UCHL5: variants seen among roughly 807,000 people sequenced by gnomAD.
The protein encoded by UCHL5 is ubiquitin carboxyl-terminal hydrolase isozyme L5.
A neutral mutation model predicts 53.8 loss-of-function variants in UCHL5; 34 were observed. That is an observed-to-expected ratio of 0.63 (90% CI 0.48 to 0.84). The LOEUF (loss-of-function observed/expected upper bound fraction) is 0.84. Among genes scored for constraint, UCHL5 ranks in the 40% least tolerant of loss-of-function variants. The pLI, the probability that UCHL5 is intolerant of heterozygous loss-of-function variation, is 0.00. For synonymous variants in UCHL5, 111 were observed against 126.3 expected, an observed-to-expected ratio of 0.88 and a Z score of 0.81; for missense variants, 290 against 385.6, an observed-to-expected ratio of 0.75 and a Z score of 2.08.
At chr1:193,022,314 C>T (rs1482387603) in intron 9 of UCHL5, among the ~76,000 whole-genome samples, 1 of 152,016 alleles carries the variant, frequency 6.6e-6, no homozygotes, top group African/African-American at 2.4e-5. Flanking sequence ...TGGGGAGCAA[C>T]AAAAAGGACA....
At chr1:193,023,763 T>TTA (rs887154846) in intron 8 of UCHL5, 81 bp downstream of exon 8, 16 of 1,070,512 alleles carry the variant, frequency 1.5e-5, no homozygotes, top group East Asian at 5.3e-5. Flanking sequence ...GACCACTTGA[T>TTA]TATATATATA....
chr1:193,059,713 C>G (rs746248721), upstream of UCHL5: 2 of 1,353,302 alleles, frequency 1.5e-6, no homozygotes, highest in South Asian at 1.2e-5. The surrounding 1 kb of genome is among the most constrained non-coding windows in gnomAD (Gnocchi z 4.9). Flanking sequence ...TTGTCGTTTC[C>G]CAGCGCTGCG....
At chr1:193,030,371 G>A (rs1352795712) in intron 3 of UCHL5, among the ~76,000 whole-genome samples, 2 of 152,126 alleles carry the variant, frequency 1.3e-5, no homozygotes, top group African/African-American at 4.8e-5. Context: ...TAAATTTGTA[G>A]AAGCTGAGGC....
In UCHL5 at chr1:193,016,328, T is replaced by A; in HGVS notation, c.*23A>T. On this transcript the variant is annotated 3_prime_UTR_variant, in exon 11 of 11. Transcript: ENST00000367454. Reference sequence around the variant, plus strand: ...ATGAAAATATGTGCAGAAGCAGAAATGTGTACATATCTGAAAACATCTTCA... The same window carrying A: ...ATGAAAATATGTGCAGAAGCAGAAAAGTGTACATATCTGAAAACATCTTCA... The A allele has an allele frequency of 6.3e-7, 1 of 1,598,518 alleles. No homozygotes were observed.
At chr1:193,059,447 C>T (rs1672103174), upstream of UCHL5, 1 of 1,609,984 alleles carries the variant, frequency 6.2e-7, no homozygotes, top group South Asian at 1.1e-5. This position sits in a 1 kb window ranked among gnomAD's most constrained non-coding sequence, Gnocchi z 4.9. Context: ...GACGCTCTAG[C>T]CACCCTAGAG....
At chr1:193,059,549 G>A (rs771274393), upstream of UCHL5, 8 of 1,540,594 alleles carry the variant, frequency 5.2e-6, no homozygotes, top group Non-Finnish European at 7.0e-6. The surrounding 1 kb of genome is among the most constrained non-coding windows in gnomAD (Gnocchi z 4.9). Context: ...ACAGCGCCGA[G>A]GAGGCAACAT....
chr1:193,050,493 G>A (rs1668659400), intron 2 of UCHL5, among the ~76,000 whole-genome samples: 1 of 152,110 alleles, frequency 6.6e-6, no homozygotes, highest in Admixed American at 6.5e-5. Context: ...AGCACTTTGG[G>A]AGGCTAAGGT....
Position 193,015,911 on chromosome 1 carries a change from C to T in UCHL5, c.*440G>A, listed in dbSNP as rs1654826196. On this transcript the variant is annotated 3_prime_UTR_variant, in exon 11 of 11. Transcript: ENST00000367454. ...GCAGATAAAATTCAGTTTTAAAATC[C>T]TCAAAACACTTAGATATCAAAGATA... The T allele has an allele frequency of 6.4e-6, 1 of 155,292 alleles. No individual in the cohort carries two copies. Among genetic ancestry groups the T allele is most frequent in the East Asian group, 1.9e-4 (1 of 5,284 alleles). The allele number at this position is 155,292 out of a possible 1,614,324, so 9.6% of individuals were successfully genotyped here.
Position 193,049,268 on chromosome 1 carries a change from G to T in UCHL5, c.246+478C>A, listed in dbSNP as rs116288918. ...CATCTCTACTAAAAATACAAAAATA[G>T]CCTGGTGTGGTGGTATGTGCCTGTA... On this transcript the variant is annotated intron_variant, in intron 3 of 10. Transcript: ENST00000367454. Among the ~76,000 whole-genome samples the T allele has an allele frequency of 2.0e-3, 310 of 152,202 alleles. 2 individuals carry two copies. Among genetic ancestry groups the T allele is most frequent in the African/African-American group, 7.2e-3 (301 of 41,526 alleles).
At chr1:193,020,807 T>G (rs1323313961) in intron 10 of UCHL5, among the ~76,000 whole-genome samples, 1 of 151,924 alleles carries the variant, frequency 6.6e-6, no homozygotes, top group East Asian at 1.9e-4. Context: ...GCATTAAAAA[T>G]CTACTTTTGC....
intron 3 of UCHL5, among the ~76,000 whole-genome samples, chr1:193,039,874 G>A (rs137878989): frequency 0.012 from 1,781 of 152,114 alleles, 18 homozygotes; most frequent in South Asian, 0.034. Context: ...TTCAACAAAG[G>A]TGCCAAGAAT....
intron 3 of UCHL5, among the ~76,000 whole-genome samples, chr1:193,040,077 C>G (rs1253118132): frequency 6.6e-6 from 1 of 152,138 alleles, no homozygotes; most frequent in Non-Finnish European, 1.5e-5. Context: ...CTCCAGAACA[C>G]TGGTCGGGGC....
chr1:193,018,141 C>G (rs545670065), intron 10 of UCHL5, among the ~76,000 whole-genome samples: 1 of 151,492 alleles, frequency 6.6e-6, no homozygotes, highest in South Asian at 2.1e-4. Flanking sequence ...ATTCTTCTAC[C>G]TTATTTCTAT....
At chr1:193,030,623 T>G (rs1315588045) in intron 3 of UCHL5, among the ~76,000 whole-genome samples, 1 of 152,230 alleles carries the variant, frequency 6.6e-6, no homozygotes, top group Non-Finnish European at 1.5e-5. Flanking sequence ...GCTGAATAAT[T>G]TTTTAAATTA....
At chr1:193,053,100 T>G (rs1036733847) in intron 1 of UCHL5, among the ~76,000 whole-genome samples, 1 of 152,248 alleles carries the variant, frequency 6.6e-6, no homozygotes, top group Non-Finnish European at 1.5e-5. Context: ...AGAGAGTTAC[T>G]ACATGGTTTG....
intron 1 of UCHL5, among the ~76,000 whole-genome samples, chr1:193,054,116 C>T (rs1052722484): frequency 6.6e-6 from 1 of 151,730 alleles, no homozygotes. Flanking sequence ...TGTTCCAAAG[C>T]GAAAGCGGGT....
At chr1:193,020,116 A>T in intron 10 of UCHL5, 3 of 984,982 alleles carry the variant, frequency 3.0e-6, no homozygotes, top group Non-Finnish European at 3.6e-6. Context: ...GAGAAGATTT[A>T]GCAGTCTTCT....
Position 193,029,672 on chromosome 1 carries a change from A to G in UCHL5, c.247-15T>C, listed in dbSNP as rs975928532. 2.5e-6 allele frequency: 4 copies of G among 1,571,180 alleles called. No individual in the cohort carries two copies. The highest frequency in any genetic ancestry group is 1.4e-5 in the African/African-American group (1 of 72,504). On this transcript the variant is annotated splice_polypyrimidine_tract_variant and intron_variant, in intron 3 of 10. Coordinates refer to ENST00000367454, the MANE Select transcript of UCHL5 (RefSeq NM_001199261.3). ...TTATTAATTACCTATAAAATATAAA[A>G]GTGAAGATATCAATGTGTTTAAAAA...
Position 193,059,246 on chromosome 1 carries a change from G to A in UCHL5, c.15C>T (p.Ala5=), listed in dbSNP as rs1046769373. 4.3e-6 allele frequency: 7 copies of A among 1,613,930 alleles called. No individual in the cohort carries two copies. In the African/African-American group the frequency reaches 9.3e-5, roughly 22 times the overall value. ...CGCTTTCCATGAGGCACCACTCCCC[G>A]GCATTGCCCGTCATGGCCCTGGCCA... MTGN[A]GEWCLMESDP... The change falls in exon 1 of 11, where the codon GCC becomes GCT. Residue 5 remains alanine (A), a synonymous_variant. Coordinates refer to ENST00000367454, the MANE Select transcript of UCHL5 (RefSeq NM_001199261.3). This position sits in a 1 kb window ranked among gnomAD's most constrained non-coding sequence, Gnocchi z 4.9.
Sources: gnomAD v4.1 joint callset for allele counts (sites outside exome capture counted in the v4.1 genomes callset) on GRCh38, gnomAD v4.1.1 for gene constraint, Gnocchi (gnomAD v3.1) non-coding constraint, MANE v1.5 for transcripts, NCBI Gene and HGNC (gene_info 2026-07-23, HGNC 2026-07-21) for gene names.